MEGF11: variants seen among roughly 807,000 people sequenced by gnomAD.
MEGF11 encodes the protein multiple epidermal growth factor-like domains protein 11.
Under a neutral mutation model 146.6 loss-of-function variants are expected in MEGF11, and 126 were observed. The ratio of observed to expected loss-of-function variants is 0.86; its 90% CI spans 0.74 to 1.00. MEGF11 has a LOEUF of 1.00. Among genes scored for constraint, MEGF11 ranks in the 50% least tolerant of loss-of-function variants. The pLI is 0.00. For synonymous variants in MEGF11, 532 were observed against 583.4 expected (o/e 0.91, Z 1.27); for missense variants, 1,509 against 1,521.2 (o/e 0.99, Z 0.13).
intron 5 of MEGF11, among the ~76,000 whole-genome samples, chr15:66,020,618 A>T (rs1401831661): frequency 6.6e-6 from 1 of 152,204 alleles, no homozygotes; most frequent in Non-Finnish European, 1.5e-5. Context: ...TCTGGGGGAA[A>T]GACTGGCATT....
intron 4 of MEGF11, among the ~76,000 whole-genome samples, chr15:66,108,545 G>A (rs1023667467): frequency 6.6e-6 from 1 of 152,240 alleles, no homozygotes; most frequent in Non-Finnish European, 1.5e-5. Flanking sequence ...CGCCATTGCA[G>A]ACGGGGCGGT....
chr15:65,915,435 C>T (rs376631884), intron 19 of MEGF11, 35 bp downstream of exon 19: 28 of 1,607,114 alleles, frequency 1.7e-5, no homozygotes, highest in Non-Finnish European at 1.9e-5. Context: ...GGGGCCCTTT[C>T]CACAGACCCC....
intron 1 of MEGF11, among the ~76,000 whole-genome samples, chr15:66,141,233 GGTGTGTGT>G (rs572801225): frequency 0.06 from 5,762 of 96,684 alleles, 219 homozygotes; most frequent in African/African-American, 0.068. Context: ...CAGACTCAGG[GGTGTGTGT>G]GTGTGTGTGT....
intron 5 of MEGF11, among the ~76,000 whole-genome samples, chr15:65,998,374 GAC>G (rs1404214218): frequency 6.6e-6 from 1 of 152,186 alleles, no homozygotes; most frequent in Non-Finnish European, 1.5e-5. Context: ...AGGTAAGAAA[GAC>G]ACAGCCAGGG....
Position 65,915,520 on chromosome 15 carries a change from G to T in MEGF11, c.2423C>A (p.Thr808Asn), listed in dbSNP as rs1438083061. The part of the protein sequence containing the change: ...CMNNSTCDHV[T>N]GTCYCSPGFK... ...GCCAGGGCTGCAGTAACAGGTGCCGGTGACATGGTCACAGGTGGAGTTGTT... is the reference window on the plus strand; with the variant it reads ...GCCAGGGCTGCAGTAACAGGTGCCGTTGACATGGTCACAGGTGGAGTTGTT... Residue 808 changes from threonine to asparagine, a missense_variant, in exon 19 of 26, where the codon ACC (threonine) becomes AAC (asparagine). Transcript: ENST00000395614. 1 of 1,613,932 alleles carries T rather than the reference G, an allele frequency of 6.2e-7. No homozygotes were observed. Among genetic ancestry groups the T allele is most frequent in the South Asian group, 1.1e-5 (1 of 91,064 alleles).
chr15:65,930,120 C>G (rs1257407432), intron 11 of MEGF11, among the ~76,000 whole-genome samples: 1 of 152,208 alleles, frequency 6.6e-6, no homozygotes, highest in Non-Finnish European at 1.5e-5. Flanking sequence ...GGCAGATGAT[C>G]CTACCTGGAA....
chr15:66,084,960 G>T (rs181510733), intron 5 of MEGF11, among the ~76,000 whole-genome samples: 33 of 152,318 alleles, frequency 2.2e-4, no homozygotes, highest in Admixed American at 2.1e-3. Flanking sequence ...TTGCGCGAAG[G>T]TGGCGGGGGA....
intron 1 of MEGF11, among the ~76,000 whole-genome samples, chr15:66,190,109 C>T (rs549944663): frequency 2.0e-5 from 3 of 152,314 alleles, no homozygotes; most frequent in South Asian, 2.1e-4. Context: ...CAATCAAATC[C>T]GAATCTCGGC....
At chr15:66,028,736 T>C (rs938835459) in intron 5 of MEGF11, among the ~76,000 whole-genome samples, 5 of 152,300 alleles carry the variant, frequency 3.3e-5, no homozygotes, top group African/African-American at 1.2e-4. Context: ...ATGAAAACTA[T>C]GTTATGTGGA....
intron 10 of MEGF11, among the ~76,000 whole-genome samples, chr15:65,951,643 C>T (rs771327158): frequency 6.6e-6 from 1 of 152,118 alleles, no homozygotes; most frequent in South Asian, 2.1e-4. Flanking sequence ...GCTGAGATCA[C>T]GCCACTGCAT....
chr15:66,102,805 A>C (rs1253564787), intron 4 of MEGF11, among the ~76,000 whole-genome samples: 1 of 152,004 alleles, frequency 6.6e-6, no homozygotes, highest in East Asian at 1.9e-4. Context: ...ATGCTTATAC[A>C]CCCAGGGTTC....
intron 5 of MEGF11, among the ~76,000 whole-genome samples, chr15:66,081,094 G>A (rs1432775317): frequency 1.3e-5 from 2 of 152,182 alleles, no homozygotes; most frequent in Admixed American, 1.3e-4. Context: ...ACAGCATAGG[G>A]CTCAGCAGGA....
chr15:65,898,671 C>G, intron 25 of MEGF11, 57 bp downstream of exon 25: 1 of 1,602,548 alleles, frequency 6.2e-7, no homozygotes. Flanking sequence ...CTTGCTTTTA[C>G]TTCAAATGCT....
At chr15:66,184,211 A>G (rs1163220250) in intron 1 of MEGF11, among the ~76,000 whole-genome samples, 1 of 152,198 alleles carries the variant, frequency 6.6e-6, no homozygotes, top group Non-Finnish European at 1.5e-5. Flanking sequence ...AAATATGTGC[A>G]GTTTAATATG....
At chr15:66,123,437 A>C (rs1023791118) in intron 3 of MEGF11, among the ~76,000 whole-genome samples, 1 of 152,184 alleles carries the variant, frequency 6.6e-6, no homozygotes, top group African/African-American at 2.4e-5. Context: ...TTCAAGAACA[A>C]GTAGTTTATT....
chr15:65,995,549 G>A (rs1034955090), intron 5 of MEGF11, among the ~76,000 whole-genome samples: 5 of 152,338 alleles, frequency 3.3e-5, no homozygotes, highest in African/African-American at 1.2e-4. Context: ...TAGACTGCAT[G>A]TCTAGAGAGC....
At chr15:66,031,854 C>T (rs975623740) in intron 5 of MEGF11, among the ~76,000 whole-genome samples, 2 of 152,216 alleles carry the variant, frequency 1.3e-5, no homozygotes, top group Non-Finnish European at 1.5e-5. Flanking sequence ...GGAATGGGTT[C>T]ATTATCTTGG....
chr15:66,200,848 G>T (rs1039070777), intron 1 of MEGF11, among the ~76,000 whole-genome samples: 1 of 152,064 alleles, frequency 6.6e-6, no homozygotes, highest in African/African-American at 2.4e-5. Flanking sequence ...GTTCCTTCCA[G>T]CCCTAAAGCC....
intron 1 of MEGF11, among the ~76,000 whole-genome samples, chr15:66,169,240 C>T (rs1418907884): frequency 3.9e-5 from 6 of 152,356 alleles, no homozygotes; most frequent in East Asian, 1.9e-4. Flanking sequence ...AAGGATTAAA[C>T]GCCAGGCTGC....
Sources: allele counts gnomAD v4.1 joint callset (sites outside exome capture counted in the v4.1 genomes callset), GRCh38; gene constraint gnomAD v4.1.1; transcripts MANE v1.5; gene names NCBI Gene and HGNC (gene_info 2026-07-23, HGNC 2026-07-21).